The following UNC13C variants were observed in gnomAD, a reference collection of about 807,000 sequenced individuals.
UNC13C encodes unc-13 homolog C, also known as protein unc-13 homolog C.
A neutral mutation model predicts 245.4 loss-of-function variants in UNC13C; 174 were observed. The ratio of observed to expected loss-of-function variants is 0.71; its 90% CI spans 0.63 to 0.80. UNC13C has a LOEUF of 0.80. Among genes scored for constraint, UNC13C ranks in the 30% least tolerant of loss-of-function variants. The pLI, the probability that UNC13C is intolerant of heterozygous loss-of-function variation, is 0.00. For missense variants in UNC13C, 2,829 were observed against 2,602.9 expected (o/e 1.09, Z -1.89); for synonymous variants, 992 against 895.1 (o/e 1.11, Z -1.93).
intron 7 of UNC13C, among the ~76,000 whole-genome samples, chr15:54,243,682 G>T (rs112986203): frequency 0.086 from 13,086 of 152,228 alleles, 835 homozygotes; most frequent in South Asian, 0.2. Context: ...ACTGGCATGA[G>T]AAAGCATCTA....
chr15:54,548,146 G>A (rs1280168534), intron 27 of UNC13C, among the ~76,000 whole-genome samples: 1 of 150,942 alleles, frequency 6.6e-6, no homozygotes, highest in African/African-American at 2.4e-5. Context: ...CTCCACTTGC[G>A]TGAGCATTGT....
intron 4 of UNC13C, among the ~76,000 whole-genome samples, chr15:54,184,715 C>T (rs2033915944): frequency 6.6e-6 from 1 of 152,114 alleles, no homozygotes; most frequent in African/African-American, 2.4e-5. Flanking sequence ...GTGAATAGTG[C>T]CGCAATAAAC....
chr15:53,858,882 A>T, the UNC13C span, among the ~76,000 whole-genome samples: 1 of 152,206 alleles, frequency 6.6e-6, no homozygotes, highest in African/African-American at 2.4e-5. Context: ...ATTACCCAGC[A>T]TAACTTGGTC....
chr15:54,513,934 G>A (rs1894861353), intron 24 of UNC13C, among the ~76,000 whole-genome samples: 1 of 151,720 alleles, frequency 6.6e-6, no homozygotes, highest in South Asian at 2.1e-4. Context: ...AAAGTTTTAG[G>A]TAGGGCCAGT....
intron 30 of UNC13C, among the ~76,000 whole-genome samples, chr15:54,620,868 A>G (rs1209613790): frequency 6.6e-6 from 1 of 150,878 alleles, no homozygotes; most frequent in Non-Finnish European, 1.5e-5. Context: ...TAAAGGTATG[A>G]CCTCCTCTCA....
intron 30 of UNC13C, among the ~76,000 whole-genome samples, chr15:54,613,541 A>G (rs1318606284): frequency 1.3e-5 from 2 of 151,990 alleles, no homozygotes; most frequent in African/African-American, 2.4e-5. Flanking sequence ...ATATTAACGA[A>G]TAAATATTTA....
chr15:54,245,671 T>C (rs1258187761), intron 7 of UNC13C, among the ~76,000 whole-genome samples: 1 of 152,178 alleles, frequency 6.6e-6, no homozygotes, highest in Non-Finnish European at 1.5e-5. Context: ...GATCATATTA[T>C]ACCTAATGTT....
intron 19 of UNC13C, among the ~76,000 whole-genome samples, chr15:54,441,696 T>C (rs1890533206): frequency 9.4e-6 from 1 of 106,328 alleles, no homozygotes; most frequent in Admixed American, 8.9e-5. Flanking sequence ...TACATAGGAA[T>C]TTTAGGATTT....
At chr15:53,845,216 T>A in the UNC13C span, among the ~76,000 whole-genome samples, 1 of 151,244 alleles carries the variant, frequency 6.6e-6, no homozygotes, top group South Asian at 2.1e-4. Context: ...TTCCAGCTAC[T>A]CAGGAGGCTG....
chr15:54,619,075 CT>C (rs1900634712), intron 30 of UNC13C, among the ~76,000 whole-genome samples: 2 of 152,116 alleles, frequency 1.3e-5, no homozygotes, highest in African/African-American at 4.8e-5. Context: ...GGGCAAGCAG[CT>C]TTTCTATGCC....
intron 19 of UNC13C, among the ~76,000 whole-genome samples, chr15:54,470,624 C>T (rs996184462): frequency 6.6e-6 from 1 of 151,160 alleles, no homozygotes; most frequent in African/African-American, 2.4e-5. Flanking sequence ...TTATTTGAGC[C>T]TTCTCTCTTT....
At chr15:54,115,287 A>G (rs1308751340) in intron 2 of UNC13C, among the ~76,000 whole-genome samples, 1 of 152,152 alleles carries the variant, frequency 6.6e-6, no homozygotes, top group Non-Finnish European at 1.5e-5. Context: ...ATTTGGGTAT[A>G]TGCTTTGAGA....
chr15:54,210,307 C>A (rs921605628), intron 4 of UNC13C, among the ~76,000 whole-genome samples: 7 of 150,516 alleles, frequency 4.7e-5, no homozygotes, highest in African/African-American at 1.7e-4. Context: ...AGAGTTATTT[C>A]TATATTAGCT....
chr15:54,222,879 A>G (rs1257604833), intron 4 of UNC13C, among the ~76,000 whole-genome samples: 1 of 151,986 alleles, frequency 6.6e-6, no homozygotes, highest in Non-Finnish European at 1.5e-5. Flanking sequence ...CCTTCTTGCC[A>G]TTTGTATGTC....
At chr15:54,159,807 A>G (rs2032900688) in intron 4 of UNC13C, among the ~76,000 whole-genome samples, 1 of 152,226 alleles carries the variant, frequency 6.6e-6, no homozygotes, top group South Asian at 2.1e-4. Context: ...CTGCTTTTGT[A>G]ACTTCAAATA....
chr15:54,367,782 G>A (rs1314545211), intron 17 of UNC13C, among the ~76,000 whole-genome samples: 3 of 151,994 alleles, frequency 2.0e-5, no homozygotes, highest in African/African-American at 7.3e-5. Flanking sequence ...GTCTGTGATG[G>A]TAGATATATT....
chr15:54,500,901 C>G lies in UNC13C; in HGVS notation c.5224C>G (p.Gln1742Glu), dbSNP rs1293854879. ...SVVDVFAQLN[Q>E]SFEIIKKLEC... ...GGTTGATGTCTTTGCTCAGCTGAAT[C>G]AGAGCTTTGAAATTATTAAGAAACT... Residue 1742 changes from glutamine to glutamate, a missense_variant, in exon 22 of 33, where the codon CAG becomes GAG. Physicochemically the swap from Gln to Glu is conservative, Grantham distance 29. Coordinates refer to ENST00000260323, the MANE Select transcript of UNC13C (RefSeq NM_001080534.3). The G allele has an allele frequency of 6.2e-7, 1 of 1,612,998 alleles. No homozygotes were observed. Among genetic ancestry groups the G allele is most frequent in the South Asian group, 1.1e-5 (1 of 91,046 alleles).
chr15:53,886,187 C>T, the UNC13C span, among the ~76,000 whole-genome samples: 4 of 152,124 alleles, frequency 2.6e-5, no homozygotes, highest in South Asian at 2.1e-4. Flanking sequence ...ACAAGCATAC[C>T]GAACACCCAA....
the UNC13C span, among the ~76,000 whole-genome samples, chr15:53,894,069 C>A: frequency 6.6e-6 from 1 of 152,178 alleles, no homozygotes; most frequent in African/African-American, 2.4e-5. Flanking sequence ...GCTCCTTCCC[C>A]CACGACTTCC....
Sources: allele counts gnomAD v4.1 joint callset (sites outside exome capture counted in the v4.1 genomes callset), GRCh38; gene constraint gnomAD v4.1.1; transcripts MANE v1.5; gene names NCBI Gene and HGNC (gene_info 2026-07-23, HGNC 2026-07-21).